Variants in VRK3 observed in about 807,000 individuals in gnomAD.
The protein encoded by VRK3 is VRK serine/threonine kinase 3.
A neutral mutation model predicts 60.4 loss-of-function variants in VRK3; 50 were observed. That is an observed-to-expected ratio of 0.83 (90% CI 0.66 to 1.05). VRK3 has a LOEUF of 1.05. Among genes scored for constraint, VRK3 ranks in the 50% least tolerant of loss-of-function variants. The probability of loss-of-function intolerance (pLI) is 0.00; values close to 1 mark genes in which losing one functional copy is unlikely to be tolerated. For missense variants in VRK3, 549 were observed against 585.3 expected (o/e 0.94, Z 0.64); for synonymous variants, 246 against 227.8 (o/e 1.08, Z -0.72).
intron 11 of VRK3, among the ~76,000 whole-genome samples, chr19:49,988,987 G>T (rs1027722376): frequency 3.9e-5 from 6 of 152,144 alleles, no homozygotes; most frequent in African/African-American, 1.2e-4. Context: ...TATGCTTCCT[G>T]AGCATAAGAC....
At chr19:50,021,065 G>A (rs1472456347) in intron 1 of VRK3, among the ~76,000 whole-genome samples, 3 of 152,234 alleles carry the variant, frequency 2.0e-5, no homozygotes, top group Non-Finnish European at 4.4e-5. Flanking sequence ...AGACCCAAAG[G>A]AAACCAGGGA....
chr19:50,003,240 G>A (rs2076838381), intron 5 of VRK3, among the ~76,000 whole-genome samples: 1 of 152,186 alleles, frequency 6.6e-6, no homozygotes, highest in African/African-American at 2.4e-5. Context: ...GCCTCCAGAA[G>A]GAATCAGCAG....
chr19:49,984,514 C>A (rs1245176416), intron 12 of VRK3, among the ~76,000 whole-genome samples: 2 of 152,252 alleles, frequency 1.3e-5, no homozygotes, highest in African/African-American at 2.4e-5. Context: ...TCCGTGTCTC[C>A]TCCCAGCCCT....
At chr19:50,021,669 C>T (rs2077172427) in intron 1 of VRK3, among the ~76,000 whole-genome samples, 1 of 152,222 alleles carries the variant, frequency 6.6e-6, no homozygotes, top group South Asian at 2.1e-4. Context: ...GAATTCCTGG[C>T]CCATAGGATC....
chr19:49,992,164 T>C (rs2123115186), intron 10 of VRK3, among the ~76,000 whole-genome samples: 1 of 152,254 alleles, frequency 6.6e-6, no homozygotes, highest in South Asian at 2.1e-4. Context: ...TCCCAGCACC[T>C]TGGGAGGCAA....
chr19:50,001,597 A>G (rs907191541), intron 5 of VRK3, among the ~76,000 whole-genome samples: 8 of 152,136 alleles, frequency 5.3e-5, no homozygotes, highest in African/African-American at 1.9e-4. Flanking sequence ...GCAGCTCCCC[A>G]TAAGCACCCT....
At chr19:50,011,685 G>A (rs1180819474) in intron 3 of VRK3, among the ~76,000 whole-genome samples, 1 of 151,078 alleles carries the variant, frequency 6.6e-6, no homozygotes, top group African/African-American at 2.4e-5. Flanking sequence ...TCCCTCCCGT[G>A]GTCCTGCCTG....
At chr19:50,005,653 C>T (rs1183660118) in intron 5 of VRK3, among the ~76,000 whole-genome samples, 2 of 149,992 alleles carry the variant, frequency 1.3e-5, no homozygotes, top group African/African-American at 5.1e-5. Context: ...GGCTAAGCCA[C>T]ATGGGGTGTT....
At chr19:50,009,853 C>T (rs1489133906) in intron 3 of VRK3, among the ~76,000 whole-genome samples, 2 of 152,142 alleles carry the variant, frequency 1.3e-5, no homozygotes, top group African/African-American at 4.8e-5. Context: ...GTTGGCCAGA[C>T]TGGTTTTGAA....
chr19:49,989,231 T>C (rs1056929610), intron 11 of VRK3, among the ~76,000 whole-genome samples: 2 of 152,142 alleles, frequency 1.3e-5, no homozygotes, highest in African/African-American at 2.4e-5. Context: ...TTTCCCTGGA[T>C]GATCCCATCC....
At chr19:50,011,622 T>G (rs1233018181) in intron 3 of VRK3, among the ~76,000 whole-genome samples, 1 of 151,512 alleles carries the variant, frequency 6.6e-6, no homozygotes, top group Non-Finnish European at 1.5e-5. Context: ...CCTGCCTGTC[T>G]TCCCCCAGGC....
At chr19:49,994,309 T>C (rs913180614) in intron 9 of VRK3, among the ~76,000 whole-genome samples, 3 of 152,216 alleles carry the variant, frequency 2.0e-5, no homozygotes, top group Non-Finnish European at 4.4e-5. Flanking sequence ...ACCATGTTTA[T>C]GCTGCTCCCT....
intron 2 of VRK3, among the ~76,000 whole-genome samples, chr19:50,016,900 G>A (rs573948425): frequency 2.8e-4 from 43 of 151,842 alleles, no homozygotes; most frequent in Non-Finnish European, 4.9e-4. Flanking sequence ...ATCTAACAAA[G>A]AGCAATACGC....
At chr19:49,988,240 G>A (rs999636017) in intron 12 of VRK3, 132 bp downstream of exon 12, 27 of 1,377,612 alleles carry the variant, frequency 2.0e-5, no homozygotes, top group Admixed American at 1.3e-4. Flanking sequence ...ATGCCTGTGC[G>A]GCTCAGAGGA....
At chr19:49,984,999 G>C (rs183816787) in intron 12 of VRK3, among the ~76,000 whole-genome samples, 8 of 152,304 alleles carry the variant, frequency 5.3e-5, no homozygotes, top group Admixed American at 2.6e-4. Flanking sequence ...GTGTCACAGG[G>C]AATTGAGGCC....
At chr19:49,982,869 C>T (rs2076447026) in intron 12 of VRK3, among the ~76,000 whole-genome samples, 2 of 152,182 alleles carry the variant, frequency 1.3e-5, no homozygotes, top group Admixed American at 1.3e-4. Flanking sequence ...CCCAGCCCCT[C>T]CACTTCTCTG....
chr19:49,980,514 G>C (rs911133096), intron 13 of VRK3, among the ~76,000 whole-genome samples: 2 of 151,896 alleles, frequency 1.3e-5, no homozygotes, highest in African/African-American at 2.4e-5. Flanking sequence ...CCAGGGGTTC[G>C]AGACCAGCCT....
At chr19:49,977,149 G>T (rs149782484) in intron 14 of VRK3, among the ~76,000 whole-genome samples, 1 of 152,048 alleles carries the variant, frequency 6.6e-6, no homozygotes, top group African/African-American at 2.4e-5. Flanking sequence ...TCCAGAACTC[G>T]GGATGGCAGG....
intron 1 of VRK3, among the ~76,000 whole-genome samples, chr19:50,021,298 C>A (rs2077167189): frequency 6.6e-6 from 1 of 152,148 alleles, no homozygotes; most frequent in African/African-American, 2.4e-5. Context: ...GGTCTCTGTT[C>A]CTCCCCCTTT....
Sources: allele counts gnomAD v4.1 joint callset (sites outside exome capture counted in the v4.1 genomes callset), GRCh38; gene constraint gnomAD v4.1.1; transcripts MANE v1.5; gene names NCBI Gene and HGNC (gene_info 2026-07-23, HGNC 2026-07-21).